The following PDLIM5 variants were observed in gnomAD, a reference collection of about 807,000 sequenced individuals.
The protein encoded by PDLIM5 is PDZ and LIM domain protein 5.
In PDLIM5, 34 loss-of-function variants were observed where a neutral mutation model predicts 64.2. The observed-to-expected ratio is 0.53, with a 90% CI of 0.40 to 0.71. The LOEUF is 0.71. Among genes scored for constraint, PDLIM5 ranks in the 30% least tolerant of loss-of-function variants. The pLI, the probability that PDLIM5 is intolerant of heterozygous loss-of-function variation, is 0.00. For synonymous variants in PDLIM5, 253 were observed against 269.1 expected, an observed-to-expected ratio of 0.94 and a Z score of 0.59; for missense variants, 683 against 733.6, an observed-to-expected ratio of 0.93 and a Z score of 0.80.
At chr4:94,590,295 T>C (rs1736577904) in intron 7 of PDLIM5, among the ~76,000 whole-genome samples, 1 of 152,218 alleles carries the variant, frequency 6.6e-6, no homozygotes. Context: ...CCTTCTTTTT[T>C]TCAAAATTAT....
At chr4:94,634,504 C>T (rs908650609) in intron 8 of PDLIM5, among the ~76,000 whole-genome samples, 6 of 151,418 alleles carry the variant, frequency 4.0e-5, no homozygotes, top group African/African-American at 1.5e-4. Context: ...ATCCCCCATT[C>T]CCAGCTGACT....
chr4:94,472,468 A>G (rs1289099469), intron 2 of PDLIM5, among the ~76,000 whole-genome samples: 1 of 152,196 alleles, frequency 6.6e-6, no homozygotes, highest in African/African-American at 2.4e-5. Context: ...CAGTTGCTCT[A>G]GGGAATAGTT....
chr4:94,471,849 T>G (rs1199246776), intron 2 of PDLIM5, among the ~76,000 whole-genome samples: 1 of 152,180 alleles, frequency 6.6e-6, no homozygotes. Flanking sequence ...GTAAGTTACC[T>G]TATAAGTATT....
At chr4:94,663,320 T>C (rs1337513302) in intron 12 of PDLIM5, among the ~76,000 whole-genome samples, 3 of 152,236 alleles carry the variant, frequency 2.0e-5, no homozygotes, top group Non-Finnish European at 4.4e-5. Flanking sequence ...TCATAAAGTC[T>C]ATAAAAAGCA....
intron 3 of PDLIM5, among the ~76,000 whole-genome samples, chr4:94,555,087 CTG>C (rs764173909): frequency 1.3e-5 from 2 of 152,150 alleles, no homozygotes; most frequent in Non-Finnish European, 2.9e-5. Context: ...GAGTCTCACT[CTG>C]TTGCCCCAGC....
At chr4:94,546,002 T>C (rs1355019510) in intron 3 of PDLIM5, among the ~76,000 whole-genome samples, 1 of 152,226 alleles carries the variant, frequency 6.6e-6, no homozygotes, top group African/African-American at 2.4e-5. Context: ...TCTATTTGTC[T>C]TAAGTGGAGC....
intron 2 of PDLIM5, among the ~76,000 whole-genome samples, chr4:94,461,205 C>G (rs772546419): frequency 6.1e-4 from 93 of 152,182 alleles, no homozygotes; most frequent in Admixed American, 1.1e-3. Context: ...TATGTTTCAA[C>G]TTTGGCAGAT....
chr4:94,511,359 A>AT (rs1728854596), intron 2 of PDLIM5, among the ~76,000 whole-genome samples: 1 of 151,866 alleles, frequency 6.6e-6, no homozygotes, highest in African/African-American at 2.4e-5. Flanking sequence ...AGGTGTATAT[A>AT]TTTATCGGGT....
At chr4:94,617,332 T>C (rs181784757) in intron 7 of PDLIM5, among the ~76,000 whole-genome samples, 1 of 152,228 alleles carries the variant, frequency 6.6e-6, no homozygotes, top group Non-Finnish European at 1.5e-5. Context: ...TAACTCTTGG[T>C]TGAGAGAAGA....
At chr4:94,454,325 GTTT>G (rs775434642) in intron 1 of PDLIM5, among the ~76,000 whole-genome samples, 2 of 121,908 alleles carry the variant, frequency 1.6e-5, no homozygotes, top group Admixed American at 8.3e-5. Context: ...GAAACTCGAA[GTTT>G]TTTTTTTTTT....
At chr4:94,456,233 T>G in intron 2 of PDLIM5, 1 of 448,286 alleles carries the variant, frequency 2.2e-6, no homozygotes, top group Non-Finnish European at 3.9e-6. Flanking sequence ...AGTTTTGTTC[T>G]TGTTGCCCAG....
At chr4:94,528,901 T>G (rs1476367287) in intron 3 of PDLIM5, among the ~76,000 whole-genome samples, 1 of 152,214 alleles carries the variant, frequency 6.6e-6, no homozygotes, top group African/African-American at 2.4e-5. Context: ...TATTTTAAAC[T>G]GCAGTTTCCC....
chr4:94,581,839 A>G (rs1189258516), intron 5 of PDLIM5, among the ~76,000 whole-genome samples: 1 of 152,168 alleles, frequency 6.6e-6, no homozygotes, highest in East Asian at 1.9e-4. Flanking sequence ...AGGCTATGTG[A>G]ATGAATTATG....
intron 8 of PDLIM5, among the ~76,000 whole-genome samples, chr4:94,638,844 C>T (rs1740779674): frequency 6.6e-6 from 1 of 152,166 alleles, no homozygotes; most frequent in Non-Finnish European, 1.5e-5. Context: ...TTCATTTATT[C>T]TCTCCAGACA....
intron 2 of PDLIM5, among the ~76,000 whole-genome samples, chr4:94,478,528 T>C (rs941916295): frequency 6.6e-6 from 1 of 152,146 alleles, no homozygotes; most frequent in African/African-American, 2.4e-5. Context: ...AATGTAAAGT[T>C]ATTAATCAAG....
At chr4:94,595,026 T>G (rs1025826784) in intron 7 of PDLIM5, among the ~76,000 whole-genome samples, 1 of 151,866 alleles carries the variant, frequency 6.6e-6, no homozygotes, top group Non-Finnish European at 1.5e-5. Flanking sequence ...TGGTGGAAGG[T>G]GAAGGGGAAG....
chr4:94,485,844 C>T (rs1248705989), intron 2 of PDLIM5, among the ~76,000 whole-genome samples: 6 of 120,736 alleles, frequency 5.0e-5, no homozygotes, highest in African/African-American at 1.3e-4. Context: ...AGTGAGACTC[C>T]GTCTCAAAAA....
Position 94,666,119 on chromosome 4 carries a change from GC to G in PDLIM5, c.*2056del. On this transcript the variant is annotated 3_prime_UTR_variant, in exon 13 of 13. Transcript: ENST00000317968. ...CGAGACAGAGCCCTAGGTCCTTCCT[GC>G]CCCATCACTCACTTACGACATCACT... 1.0e-6 allele frequency: 1 copy of G among 971,794 alleles called. No homozygotes were observed. The highest frequency in any genetic ancestry group is 1.5e-6 in the Non-Finnish European group (1 of 653,458). 60.2% of individuals were successfully genotyped at this position (971,794 alleles called of 1,614,324 possible). A position where few individuals can be genotyped will look rare whatever the true frequency, so the allele number is the denominator to read the frequency against.
intron 8 of PDLIM5, among the ~76,000 whole-genome samples, chr4:94,618,558 C>T (rs1202947767): frequency 6.6e-6 from 1 of 152,112 alleles, no homozygotes; most frequent in African/African-American, 2.4e-5. Flanking sequence ...AAATAACAAC[C>T]ACAGAAACAT....
Sources: allele counts gnomAD v4.1 joint callset (sites outside exome capture counted in the v4.1 genomes callset), GRCh38; gene constraint gnomAD v4.1.1; transcripts MANE v1.5; gene names NCBI Gene and HGNC (gene_info 2026-07-23, HGNC 2026-07-21).